The following ARHGEF7 variants were observed in gnomAD, a reference collection of about 807,000 sequenced individuals.
ARHGEF7 encodes the protein Rho guanine nucleotide exchange factor 7, also known as PAK-interacting exchange factor beta.
In ARHGEF7, 33 loss-of-function variants were observed where a neutral mutation model predicts 109.8. The ratio of observed to expected loss-of-function variants is 0.30; its 90% CI spans 0.23 to 0.40. ARHGEF7 has a LOEUF of 0.40. Among genes scored for constraint, ARHGEF7 ranks in the 10% least tolerant of loss-of-function variants. The pLI is 1.00. For synonymous variants in ARHGEF7, 458 were observed against 424.6 expected, an observed-to-expected ratio of 1.08 and a Z score of -0.97; for missense variants, 938 against 1,098.5, an observed-to-expected ratio of 0.85 and a Z score of 2.07.
intron 6 of ARHGEF7, 134 bp from the exon 7 acceptor site, chr13:111,243,738 T>C (rs934571021): frequency 5.1e-5 from 31 of 612,912 alleles, no homozygotes; most frequent in Non-Finnish European, 8.4e-5. Flanking sequence ...ATGATGATGA[T>C]ACTCAACACT....
In ARHGEF7 at chr13:111,174,270, T is replaced by A. The variant is rs1355287791; in HGVS notation, c.252+20279T>A. Among the ~76,000 whole-genome samples the A allele has an allele frequency of 3.3e-5, 5 of 152,220 alleles. No homozygotes were observed. In the East Asian group the frequency reaches 9.6e-4, roughly 29 times the overall value. ...CTCAGAGCTTATACTCTAAGATCAT[T>A]TACTGATTTTTACATTTAACCACAC... On this transcript the variant is annotated intron_variant, in intron 2 of 21. Coordinates refer to ENST00000646102, the MANE Select transcript of ARHGEF7 (RefSeq NM_001354046.2).
intron 8 of ARHGEF7, among the ~76,000 whole-genome samples, chr13:111,262,281 G>A (rs924216399): frequency 2.6e-5 from 4 of 152,154 alleles, no homozygotes; most frequent in African/African-American, 9.7e-5. Flanking sequence ...CAGAAATTCA[G>A]ACTCACTAGA....
rs960477146 is a variant in ARHGEF7 at position 111,271,676 on chromosome 13, C to A, written c.1074-2138C>A. Among the ~76,000 whole-genome samples, 5 of 152,220 alleles carry A rather than the reference C, an allele frequency of 3.3e-5. No individual in the cohort carries two copies. The East Asian group carries it at 9.6e-4, about 29-fold the overall frequency. Reference sequence around the variant, plus strand: ...CACAAAGACAGACACCACGTACACACACTCGGAAGTACTCTTGACAGTCTC... The same window carrying A: ...CACAAAGACAGACACCACGTACACAAACTCGGAAGTACTCTTGACAGTCTC... On this transcript the variant is annotated intron_variant, in intron 9 of 21. Transcript: ENST00000646102.
chr13:111,256,899 A>C (rs1333977963), intron 8 of ARHGEF7, among the ~76,000 whole-genome samples: 5 of 152,218 alleles, frequency 3.3e-5, no homozygotes, highest in African/African-American at 9.6e-5. Context: ...GGTTCATCCC[A>C]GAAACTGGGG....
At chr13:111,287,694 G>A (rs2093081045) in intron 17 of ARHGEF7, among the ~76,000 whole-genome samples, 1 of 151,886 alleles carries the variant, frequency 6.6e-6, no homozygotes, top group Non-Finnish European at 1.5e-5. Flanking sequence ...TCCAGGCCTG[G>A]TTGCAGAGAC....
At chr13:111,197,743 A>G (rs1026131246) in intron 2 of ARHGEF7, among the ~76,000 whole-genome samples, 17 of 152,154 alleles carry the variant, frequency 1.1e-4, no homozygotes, top group Non-Finnish European at 2.4e-4. Context: ...AGTACCCCCT[A>G]TGACAGGGCT....
At chr13:111,117,084 T>G (rs1462400857) in intron 1 of ARHGEF7, among the ~76,000 whole-genome samples, 1 of 152,212 alleles carries the variant, frequency 6.6e-6, no homozygotes, top group Non-Finnish European at 1.5e-5. Flanking sequence ...GAAAGACAGA[T>G]GTTGAAAAGT....
At chr13:111,132,875 G>T (rs1000461114) in intron 1 of ARHGEF7, among the ~76,000 whole-genome samples, 1 of 151,800 alleles carries the variant, frequency 6.6e-6, no homozygotes, top group Non-Finnish European at 1.5e-5. Context: ...TTGGGAGTAG[G>T]GGTAGGGATA....
At chr13:111,264,617 C>T (rs938939709) in intron 8 of ARHGEF7, among the ~76,000 whole-genome samples, 2 of 152,172 alleles carry the variant, frequency 1.3e-5, no homozygotes, top group African/African-American at 4.8e-5. Flanking sequence ...CGCCAGTACT[C>T]TGGGTGGGGA....
chr13:111,168,059 T>C (rs1484238303), intron 2 of ARHGEF7, among the ~76,000 whole-genome samples: 1 of 152,172 alleles, frequency 6.6e-6, no homozygotes, highest in Admixed American at 6.5e-5. Context: ...GTGAGGTCCT[T>C]CTGCTCAGTT....
intron 6 of ARHGEF7, among the ~76,000 whole-genome samples, chr13:111,240,477 T>A (rs2087579528): frequency 6.6e-6 from 1 of 152,222 alleles, no homozygotes. Context: ...GACTGCCTCA[T>A]GTCATTGTGA....
At chr13:111,167,501 G>A (rs2077222273) in intron 2 of ARHGEF7, among the ~76,000 whole-genome samples, 1 of 152,176 alleles carries the variant, frequency 6.6e-6, no homozygotes, top group Admixed American at 6.5e-5. Context: ...AACTGTCTAA[G>A]ATGAGGGTGT....
At chr13:111,165,739 C>T (rs2077076620) in intron 2 of ARHGEF7, among the ~76,000 whole-genome samples, 1 of 152,156 alleles carries the variant, frequency 6.6e-6, no homozygotes, top group South Asian at 2.1e-4. Flanking sequence ...GTTCGTGGCA[C>T]AAGAGAGGGA....
At chr13:111,217,964 A>G (rs924694001) in intron 5 of ARHGEF7, 84 bp downstream of exon 5, 6 of 1,343,764 alleles carry the variant, frequency 4.5e-6, no homozygotes, top group Non-Finnish European at 5.0e-6. Flanking sequence ...TTTACTCTCC[A>G]GCTGGACCTG....
intron 2 of ARHGEF7, among the ~76,000 whole-genome samples, chr13:111,175,842 A>G (rs1335277277): frequency 6.6e-6 from 1 of 152,234 alleles, no homozygotes. Context: ...CAGTTAACAC[A>G]GGGCTGGGGA....
rs1320907618 is a variant in ARHGEF7 at position 111,233,187 on chromosome 13, G to A, written c.671-18G>A. 3 of 1,604,782 alleles carry A rather than the reference G, an allele frequency of 1.9e-6. No homozygotes were observed. The highest frequency in any genetic ancestry group is 2.6e-6 in the Non-Finnish European group (3 of 1,171,554). On this transcript the variant is annotated intron_variant, in intron 5 of 21. Transcript: ENST00000646102. ...CTTTAGTACTGATCAGTAAAACTATGTTACATTTTCATTTCAGAGAAGCCT... is the reference window on the plus strand; with the variant it reads ...CTTTAGTACTGATCAGTAAAACTATATTACATTTTCATTTCAGAGAAGCCT...
intron 19 of ARHGEF7, among the ~76,000 whole-genome samples, chr13:111,296,057 T>C (rs555270723): frequency 3.9e-5 from 6 of 152,190 alleles, no homozygotes; most frequent in African/African-American, 1.4e-4. Context: ...TTGTGTGTCG[T>C]CAGATAAGGC....
At chr13:111,115,831 C>T in intron 1 of ARHGEF7, 140 bp downstream of exon 1, 1 of 309,768 alleles carries the variant, frequency 3.2e-6, no homozygotes, top group Non-Finnish European at 4.8e-6. Context: ...GCGCGGCCGG[C>T]GCCAGGACCG....
chr13:111,123,535 A>G (rs906524982), intron 1 of ARHGEF7, among the ~76,000 whole-genome samples: 3 of 152,194 alleles, frequency 2.0e-5, no homozygotes, highest in Admixed American at 6.5e-5. Context: ...ACATGCCGAT[A>G]TATGTAAATA....
Sources: gnomAD v4.1 joint callset for allele counts (sites outside exome capture counted in the v4.1 genomes callset) on GRCh38, gnomAD v4.1.1 for gene constraint, MANE v1.5 for transcripts, NCBI Gene and HGNC (gene_info 2026-07-23, HGNC 2026-07-21) for gene names.